Variants in CHL1 observed in about 807,000 individuals in gnomAD.
CHL1 encodes the protein neural cell adhesion molecule L1-like protein.
Under a neutral mutation model 141.9 loss-of-function variants are expected in CHL1, and 96 were observed. That is an observed-to-expected ratio of 0.68 (90% CI 0.57 to 0.80). The LOEUF is 0.80. CHL1 is among the 30% of genes least tolerant of loss of function. CHL1 has a pLI of 0.00. For missense variants in CHL1, 1,820 were observed against 1,457.2 expected, an observed-to-expected ratio of 1.25 and a Z score of -4.05; for synonymous variants, 613 against 502.2, an observed-to-expected ratio of 1.22 and a Z score of -2.95.
chr3:338,326 A>T (rs1410989794), intron 5 of CHL1, among the ~76,000 whole-genome samples: 3 of 152,214 alleles, frequency 2.0e-5, no homozygotes, highest in African/African-American at 7.2e-5. Flanking sequence ...TTACCGAAAA[A>T]AATATTTTTT....
In CHL1 at chr3:389,321, C is replaced by T; in HGVS notation, c.2317C>T (p.Pro773Ser). 6.2e-7 allele frequency: 1 copy of T among 1,614,096 alleles called. No homozygotes were observed. The highest frequency in any genetic ancestry group is 8.5e-7 in the Non-Finnish European group (1 of 1,180,014). Residue 773 changes from proline (P) to serine (S), a missense_variant, in exon 20 of 28, where the codon CCA (proline) becomes TCA (serine). Physicochemically the swap from Pro to Ser is moderately conservative, Grantham distance 74. Coordinates refer to ENST00000256509, the MANE Select transcript of CHL1 (RefSeq NM_006614.4). Reference sequence around the variant, plus strand: ...AGTGACCTGGAAGCCACAGGGAGCCCCAGTGGAGTGGGAAGAAGAAACAGT... The same window carrying T: ...AGTGACCTGGAAGCCACAGGGAGCCTCAGTGGAGTGGGAAGAAGAAACAGT... ...YRVTWKPQGA[P>S]VEWEEETVTN...
chr3:280,726 T>C, intron 2 of CHL1, among the ~76,000 whole-genome samples: 1 of 152,054 alleles, frequency 6.6e-6, no homozygotes, highest in Non-Finnish European at 1.5e-5. Flanking sequence ...AAGGAGTCAG[T>C]GAAGGGTAGA....
At chr3:201,513 T>A (rs1291104000) in intron 1 of CHL1, among the ~76,000 whole-genome samples, 2 of 152,178 alleles carry the variant, frequency 1.3e-5, no homozygotes, top group East Asian at 3.8e-4. Flanking sequence ...TATATGTGTA[T>A]GTGTGTGTGC....
rs552856319 is a variant in CHL1 at position 372,918 on chromosome 3, C to G, written c.1752-4900C>G. Reference sequence around the variant, plus strand: ...CTTCAGTCCCTATTCATCTGGTTCACGCCTATGCCTGGAGATGTCACTCAA... The same window carrying G: ...CTTCAGTCCCTATTCATCTGGTTCAGGCCTATGCCTGGAGATGTCACTCAA... On this transcript the variant is annotated intron_variant, in intron 15 of 27. Transcript: ENST00000256509. Among the ~76,000 whole-genome samples the G allele has an allele frequency of 2.0e-5, 3 of 152,092 alleles. No homozygotes were observed. In the South Asian group the frequency reaches 6.2e-4, roughly 32 times the overall value.
In CHL1 at chr3:385,992, C is replaced by G. The variant is rs541743806; in HGVS notation, c.2247+2106C>G. On this transcript the variant is annotated intron_variant, in intron 19 of 27. Coordinates refer to ENST00000256509, the MANE Select transcript of CHL1 (RefSeq NM_006614.4). ...GGTGTCTCCTATTATCTTGATGTGT[C>G]AGAGATCTAATCACTACTGACACAG... 2.0e-5 allele frequency among the ~76,000 whole-genome samples: 3 copies of G among 151,982 alleles called. No homozygotes were observed. The East Asian group carries it at 5.8e-4, about 29-fold the overall frequency.
chr3:408,152 G>C lies in CHL1; in HGVS notation c.*2441G>C, dbSNP rs183223903. ...TTTCCCTCAGAAAATGAGTAACAGA[G>C]TCCACGGCGTGCAATGGTAATTATA... On this transcript the variant is annotated 3_prime_UTR_variant, in exon 28 of 28. Coordinates refer to ENST00000256509, the MANE Select transcript of CHL1 (RefSeq NM_006614.4). 1 of 152,092 alleles carries C rather than the reference G, an allele frequency of 6.6e-6. No individual in the cohort carries two copies. Among genetic ancestry groups the C allele is most frequent in the Non-Finnish European group, 1.5e-5 (1 of 68,018 alleles). 9.4% of individuals were successfully genotyped at this position (152,092 alleles called of 1,614,324 possible).
rs562714509 is a variant in CHL1 at position 295,980 on chromosome 3, A to G, written c.-94-23703A>G. Among the ~76,000 whole-genome samples the G allele has an allele frequency of 5.3e-5, 8 of 152,170 alleles. No individual in the cohort carries two copies. The East Asian group carries it at 1.5e-3, about 29-fold the overall frequency. Reference sequence around the variant, plus strand: ...CCCCTTCTTCCTGAGGAAATTTGGGAACTATAGTACAACTCCCTCTCAAAA... The same window carrying G: ...CCCCTTCTTCCTGAGGAAATTTGGGGACTATAGTACAACTCCCTCTCAAAA... On this transcript the variant is annotated intron_variant, in intron 2 of 27. Coordinates refer to ENST00000256509, the MANE Select transcript of CHL1 (RefSeq NM_006614.4).
At chr3:255,265 T>C (rs556936692) in intron 2 of CHL1, among the ~76,000 whole-genome samples, 30 of 152,296 alleles carry the variant, frequency 2.0e-4, no homozygotes, top group African/African-American at 7.0e-4. Flanking sequence ...AAAAAGTCTC[T>C]TTCTTATTCA....
intron 19 of CHL1, chr3:384,466 G>A (rs937063871): frequency 6.6e-6 from 1 of 152,054 alleles, no homozygotes; most frequent in Non-Finnish European, 1.5e-5. Flanking sequence ...AGGATCTTTG[G>A]ACTCCAAACC....
At chr3:319,931 G>T in intron 3 of CHL1, 64 bp downstream of exon 3, 6 of 879,316 alleles carry the variant, frequency 6.8e-6, no homozygotes, top group Non-Finnish European at 7.3e-6. Context: ...TTTTTAAGTA[G>T]AATACTTATG....
At chr3:343,128 A>AAT (rs1702471088) in intron 8 of CHL1, 97 bp downstream of exon 8, 7 of 896,102 alleles carry the variant, frequency 7.8e-6, no homozygotes, top group South Asian at 1.9e-5. Flanking sequence ...AGTTTATTAC[A>AAT]ATACTGTTAT....
chr3:379,423 G>C (rs1178458846), intron 16 of CHL1, among the ~76,000 whole-genome samples: 1 of 152,098 alleles, frequency 6.6e-6, no homozygotes, highest in African/African-American at 2.4e-5. Context: ...AAGCAGAAAG[G>C]TTTAATCCCC....
At chr3:404,624 T>C (rs1043587877) in intron 27 of CHL1, among the ~76,000 whole-genome samples, 1 of 152,180 alleles carries the variant, frequency 6.6e-6, no homozygotes, top group African/African-American at 2.4e-5. Flanking sequence ...TGTAACAAAC[T>C]TGAATTGTTA....
chr3:380,662 A>G (rs1417898907), intron 16 of CHL1, among the ~76,000 whole-genome samples: 1 of 152,200 alleles, frequency 6.6e-6, no homozygotes, highest in Non-Finnish European at 1.5e-5. Flanking sequence ...ACTCTTTTTG[A>G]GAACTCCAGG....
chr3:351,409 C>G (rs547545266), intron 10 of CHL1, among the ~76,000 whole-genome samples: 1 of 152,076 alleles, frequency 6.6e-6, no homozygotes, highest in Admixed American at 6.6e-5. Context: ...TTCTCTTTAC[C>G]TATACACATG....
At chr3:239,754 A>C (rs11716939) in intron 1 of CHL1, among the ~76,000 whole-genome samples, 41,029 of 150,974 alleles carry the variant, frequency 0.27, 6,006 homozygotes, top group African/African-American at 0.38. Flanking sequence ...CCCTCACCCC[A>C]CTCCCACCCT....
In CHL1 at chr3:244,364, T is replaced by C. The variant is rs369477530; in HGVS notation, c.-174-249T>C. ...CATCGATAATGTTTTCAATGAGAAG[T>C]GTAATTACGTGGCTGCTTTTTGCAT... On this transcript the variant is annotated intron_variant, in intron 1 of 27. Transcript: ENST00000256509. 2.0e-4 allele frequency among the ~76,000 whole-genome samples: 30 copies of C among 152,260 alleles called. 1 individual carries two copies. Among genetic ancestry groups the C allele is most frequent in the African/African-American group, 7.0e-4 (29 of 41,544 alleles).
At chr3:382,112 G>A in intron 16 of CHL1, 67 bp from the exon 17 acceptor site, 1 of 1,386,636 alleles carries the variant, frequency 7.2e-7, no homozygotes, top group Non-Finnish European at 1.0e-6. Flanking sequence ...AGCTGGCAAT[G>A]TGTCTGAGGA....
chr3:199,179 T>C (rs2125315649), intron 1 of CHL1, among the ~76,000 whole-genome samples: 1 of 152,360 alleles, frequency 6.6e-6, no homozygotes, highest in East Asian at 1.9e-4. Context: ...GATTTACCTT[T>C]AGTAATGGCA....
Sources: allele counts gnomAD v4.1 joint callset (sites outside exome capture counted in the v4.1 genomes callset), GRCh38; gene constraint gnomAD v4.1.1; transcripts MANE v1.5; gene names NCBI Gene and HGNC (gene_info 2026-07-23, HGNC 2026-07-21).